The following TAF1A variants were observed in gnomAD, a reference collection of about 807,000 sequenced individuals.
TAF1A encodes TATA box-binding protein-associated factor RNA polymerase I subunit A.
In TAF1A, 42 loss-of-function variants were observed where a neutral mutation model predicts 61.6. The observed-to-expected ratio is 0.68, with a 90% CI of 0.53 to 0.88. TAF1A has a LOEUF of 0.88. Among genes scored for constraint, TAF1A ranks in the 40% least tolerant of loss-of-function variants. TAF1A has a pLI of 0.00. For missense variants in TAF1A, 424 were observed against 518.7 expected (o/e 0.82, Z 1.77); for synonymous variants, 179 against 177.7 (o/e 1.01, Z -0.06).
chr1:222,577,624 A>G lies in TAF1A; in HGVS notation c.425T>C (p.Leu142Ser). ...NYLKISLQHA[L>S]YLLHHGMLKD... ...AAGCATTCCATGATGCAGAAGGTAT[A>G]ATGCATGTTGTAAGGAGATCTGCAA... The change falls in exon 5 of 11, where the codon TTA becomes TCA. Residue 142 changes from leucine to serine, a missense_variant. Coordinates refer to ENST00000352967, the MANE Select transcript of TAF1A (RefSeq NM_005681.4). 1 of 1,613,856 alleles carries G rather than the reference A, an allele frequency of 6.2e-7. No homozygotes were observed. Among genetic ancestry groups the G allele is most frequent in the Non-Finnish European group, 8.5e-7 (1 of 1,179,816 alleles).
Position 222,569,289 on chromosome 1 carries a change from C to T in TAF1A, c.894+221G>A, listed in dbSNP as rs117562491. ...GTATTCCAACCAGGGTTGCACAAGACTTCTGATCCTCTCTCCTCAGTCTCA... is the reference window on the plus strand; with the variant it reads ...GTATTCCAACCAGGGTTGCACAAGATTTCTGATCCTCTCTCCTCAGTCTCA... On this transcript the variant is annotated intron_variant, in intron 7 of 10. Transcript: ENST00000352967. The T allele has an allele frequency of 2.0e-3, 2,869 of 1,461,190 alleles. 69 individuals are homozygous for T. The East Asian group carries it at 0.048, about 24-fold the overall frequency. 90.5% of individuals were successfully genotyped at this position (1,461,190 alleles called of 1,614,324 possible). A position where few individuals can be genotyped will look rare whatever the true frequency, so the allele number is the denominator to read the frequency against.
chr1:222,560,112 G>C (rs1356165720), intron 10 of TAF1A, among the ~76,000 whole-genome samples: 4 of 152,090 alleles, frequency 2.6e-5, no homozygotes, highest in African/African-American at 9.7e-5. Context: ...TTTTAGTGCA[G>C]CATGGAAAGA....
Position 222,569,495 on chromosome 1 carries a change from A to T in TAF1A, c.894+15T>A. ...TTCCCAACCCTGGTCAAACATCGAG[A>T]TAAAAATTCTATACCTTAAGCACAC... On this transcript the variant is annotated intron_variant, in intron 7 of 10. Coordinates refer to ENST00000352967, the MANE Select transcript of TAF1A (RefSeq NM_005681.4). 1.2e-6 allele frequency: 2 copies of T among 1,613,552 alleles called. No homozygotes were observed. The highest frequency in any genetic ancestry group is 1.7e-6 in the Non-Finnish European group (2 of 1,179,790).
chr1:222,572,218 C>CAA (rs1172947422), intron 5 of TAF1A, among the ~76,000 whole-genome samples: 151 of 86,642 alleles, frequency 1.7e-3, no homozygotes, highest in African/African-American at 5.1e-3. Context: ...GACTCAGTCT[C>CAA]AAAAAAAAAA....
At chr1:222,567,187 A>G (rs1333332366) in intron 7 of TAF1A, among the ~76,000 whole-genome samples, 1 of 152,268 alleles carries the variant, frequency 6.6e-6, no homozygotes, top group Non-Finnish European at 1.5e-5. Flanking sequence ...AAGTGAAATT[A>G]GCAAGACACA....
At chr1:222,564,030 C>T (rs373555800) in intron 8 of TAF1A, 29 bp downstream of exon 8, 1 of 1,382,624 alleles carries the variant, frequency 7.2e-7, no homozygotes, top group Admixed American at 1.7e-5. Context: ...CTTGTCTACA[C>T]AAGGTATAAA....
downstream of TAF1A, chr1:222,558,185 AAG>A (rs2102632124): frequency 1.5e-5 from 1 of 68,810 alleles, no homozygotes; most frequent in Admixed American, 2.0e-4. Flanking sequence ...CCGGCCGAGA[AAG>A]AGTCTTTTTT....
chr1:222,583,472 C>G (rs1406500266), intron 3 of TAF1A, among the ~76,000 whole-genome samples: 1 of 151,054 alleles, frequency 6.6e-6, no homozygotes, highest in Non-Finnish European at 1.5e-5. Context: ...ACAACTCTTT[C>G]AAGAAGTTTT....
At chr1:222,588,668 G>T in intron 1 of TAF1A, 103 bp from the exon 2 acceptor site, 3 of 1,270,168 alleles carry the variant, frequency 2.4e-6, no homozygotes, top group Admixed American at 5.2e-5. Context: ...AATATAATTT[G>T]ATTAGCAAAA....
downstream of TAF1A, among the ~76,000 whole-genome samples, chr1:222,557,169 C>A (rs540495111): frequency 2.0e-5 from 3 of 152,318 alleles, no homozygotes; most frequent in South Asian, 6.2e-4. Context: ...AAATATTAGA[C>A]TTGCTCTGAA....
chr1:222,566,595 C>T (rs1377852141), intron 7 of TAF1A, among the ~76,000 whole-genome samples: 1 of 152,180 alleles, frequency 6.6e-6, no homozygotes, highest in African/African-American at 2.4e-5. Flanking sequence ...CAACCTAGAT[C>T]CCTCCCATGT....
intron 5 of TAF1A, among the ~76,000 whole-genome samples, chr1:222,576,375 A>AAT (rs1660573098): frequency 6.6e-6 from 1 of 152,236 alleles, no homozygotes; most frequent in African/African-American, 2.4e-5. Context: ...TCACATAAGG[A>AAT]TAATAAGGAA....
At chr1:222,557,017 CTTCT>C (rs1293857661), downstream of TAF1A, among the ~76,000 whole-genome samples, 4 of 152,164 alleles carry the variant, frequency 2.6e-5, no homozygotes, top group Non-Finnish European at 5.9e-5. Flanking sequence ...TTTCTAAGTG[CTTCT>C]TTATTGATAG....
intron 2 of TAF1A, among the ~76,000 whole-genome samples, chr1:222,587,214 A>C (rs1461230159): frequency 6.6e-6 from 1 of 152,210 alleles, no homozygotes; most frequent in Non-Finnish European, 1.5e-5. Flanking sequence ...TTCAACACTC[A>C]TTATGCATGA....
chr1:222,585,241 T>G (rs1260044548), intron 2 of TAF1A, among the ~76,000 whole-genome samples: 1 of 152,162 alleles, frequency 6.6e-6, no homozygotes, highest in East Asian at 1.9e-4. Flanking sequence ...CAATTTTTCA[T>G]CAATAATTTA....
rs1429425607 is a variant in TAF1A at position 222,558,533 on chromosome 1, AAAATATAT to A, written c.*119_*126del. The stretch of plus-strand genomic sequence containing the variant: ...TAGCTATAAATAATACAAAAATATA[AAAATATAT>A]AAAAATAAGTTTTTTGTAGTAATAT... On this transcript the variant is annotated 3_prime_UTR_variant, in exon 11 of 11. Coordinates refer to ENST00000352967, the MANE Select transcript of TAF1A (RefSeq NM_005681.4). 2.8e-5 allele frequency: 10 copies of A among 359,400 alleles called. No individual in the cohort carries two copies. The highest frequency in any genetic ancestry group is 9.3e-5 in the Admixed American group (2 of 21,600). The allele number at this position is 359,400 out of a possible 1,614,324, so 22.3% of individuals were successfully genotyped here. A position where few individuals can be genotyped will look rare whatever the true frequency, so the allele number is the denominator to read the frequency against.
intron 7 of TAF1A, among the ~76,000 whole-genome samples, chr1:222,567,462 GTA>G (rs1660163250): frequency 6.6e-6 from 1 of 152,072 alleles, no homozygotes. Flanking sequence ...ATTTATTTTT[GTA>G]TATATTTTCC....
At chr1:222,588,672 A>T in intron 1 of TAF1A, 107 bp from the exon 2 acceptor site, 1 of 1,213,468 alleles carries the variant, frequency 8.2e-7, no homozygotes, top group Admixed American at 2.6e-5. Context: ...TAATTTGATT[A>T]GCAAAATGCA....
At chr1:222,570,789 C>T (rs1660320154) in intron 5 of TAF1A, 124 bp from the exon 6 acceptor site, 5 of 873,556 alleles carry the variant, frequency 5.7e-6, no homozygotes, top group Non-Finnish European at 8.4e-6. Context: ...TAAATTCCAA[C>T]AAATATTTAA....
Sources: gnomAD v4.1 joint callset for allele counts (sites outside exome capture counted in the v4.1 genomes callset) on GRCh38, gnomAD v4.1.1 for gene constraint, MANE v1.5 for transcripts, NCBI Gene and HGNC (gene_info 2026-07-23, HGNC 2026-07-21) for gene names.